The following DLG1 variants were observed in gnomAD, a reference collection of about 807,000 sequenced individuals.
DLG1 encodes disks large homolog 1.
A neutral mutation model predicts 123.4 loss-of-function variants in DLG1; 42 were observed. The observed-to-expected ratio is 0.34, with a 90% confidence interval of 0.27 to 0.44. The LOEUF (loss-of-function observed/expected upper bound fraction) is 0.44, where lower values mean the gene tolerates loss of function less well. Among genes scored for constraint, DLG1 ranks in the 20% least tolerant of loss-of-function variants. DLG1 has a pLI of 1.00. For synonymous variants in DLG1, 317 were observed against 356.2 expected, an observed-to-expected ratio of 0.89 and a Z score of 1.24; for missense variants, 942 against 1,082.6, an observed-to-expected ratio of 0.87 and a Z score of 1.82.
At chr3:197,263,408 C>A (rs901507046) in intron 4 of DLG1, among the ~76,000 whole-genome samples, 2 of 152,146 alleles carry the variant, frequency 1.3e-5, no homozygotes, top group African/African-American at 4.8e-5. Flanking sequence ...CTCAATGACT[C>A]CTAAGAGTCC....
At chr3:197,241,801 TA>T (rs1218339111) in intron 4 of DLG1, among the ~76,000 whole-genome samples, 1 of 152,128 alleles carries the variant, frequency 6.6e-6, no homozygotes, top group Non-Finnish European at 1.5e-5. Context: ...TATTTTTTTG[TA>T]AACCTCATGG....
intron 10 of DLG1, among the ~76,000 whole-genome samples, chr3:197,135,294 T>TG (rs778236913): frequency 2.6e-5 from 4 of 152,216 alleles, no homozygotes; most frequent in African/African-American, 4.8e-5. Context: ...CCCCATGTGT[T>TG]GGGGGAGGGA....
chr3:197,264,386 CACT>C (rs1410608141), intron 4 of DLG1, among the ~76,000 whole-genome samples: 1 of 152,180 alleles, frequency 6.6e-6, no homozygotes, highest in Non-Finnish European at 1.5e-5. Context: ...GCCAGCATAA[CACT>C]CAAAGACAAT....
In DLG1 at chr3:197,062,073, ACTTACTTACTCACATACAGAT is replaced by A. The variant is rs370987433; in HGVS notation, c.2374-2096_2374-2076del. On this transcript the variant is annotated intron_variant, in intron 22 of 24. Coordinates refer to ENST00000667157, the MANE Select transcript of DLG1 (RefSeq NM_001366207.1). ...CAGTCCAAAGCGTTCCCTTCTATCCACTTACTTACTCACATACAGATGCTCCTTATGATGGGAGTTACGTCC... is the reference window on the plus strand; with the variant it reads ...CAGTCCAAAGCGTTCCCTTCTATCCAGCTCCTTATGATGGGAGTTACGTCC... 8.5e-3 allele frequency among the ~76,000 whole-genome samples: 1,294 copies of A among 152,250 alleles called. 16 individuals are homozygous for A. The highest frequency in any genetic ancestry group is 0.03 in the African/African-American group (1,226 of 41,536).
intron 11 of DLG1, among the ~76,000 whole-genome samples, chr3:197,121,074 A>G (rs1039108597): frequency 1.8e-5 from 1 of 54,204 alleles, no homozygotes; most frequent in Non-Finnish European, 4.8e-5. Context: ...GATGAAACAA[A>G]AAAAACAACT....
intron 4 of DLG1, among the ~76,000 whole-genome samples, chr3:197,249,645 A>C (rs926477642): frequency 6.6e-6 from 1 of 152,214 alleles, no homozygotes; most frequent in Non-Finnish European, 1.5e-5. Flanking sequence ...ACTGATTATG[A>C]AATTAGATGC....
At chr3:197,045,687 T>C (rs2148640542) in intron 24 of DLG1, among the ~76,000 whole-genome samples, 1 of 152,134 alleles carries the variant, frequency 6.6e-6, no homozygotes, top group East Asian at 1.9e-4. Flanking sequence ...ACAACTGCAG[T>C]GAGCTATGAT....
chr3:197,241,915 T>C (rs572160988), intron 4 of DLG1, among the ~76,000 whole-genome samples: 6 of 151,756 alleles, frequency 4.0e-5, no homozygotes, highest in Admixed American at 3.3e-4. Flanking sequence ...AAGGAAGAGT[T>C]ACGAAACAAT....
At chr3:197,296,672 A>T (rs971499960) in intron 2 of DLG1, 195 bp from the exon 3 acceptor site, 7 of 489,430 alleles carry the variant, frequency 1.4e-5, no homozygotes, top group African/African-American at 3.9e-5. Context: ...ATACAAGAAA[A>T]ATTTAAACAT....
At chr3:197,282,913 A>T (rs1043628182) in intron 3 of DLG1, 68 bp from the exon 4 acceptor site, 1 of 962,220 alleles carries the variant, frequency 1.0e-6, no homozygotes, top group African/African-American at 1.7e-5. Flanking sequence ...ATGCTATAAC[A>T]ACATAACTCA....
intron 24 of DLG1, among the ~76,000 whole-genome samples, chr3:197,050,158 G>C (rs750337134): frequency 5.3e-5 from 8 of 152,086 alleles, no homozygotes; most frequent in Non-Finnish European, 8.8e-5. Flanking sequence ...ACGAGGTCAG[G>C]AGATCAAGAC....
At chr3:197,290,768 C>T (rs577128837) in intron 3 of DLG1, among the ~76,000 whole-genome samples, 1 of 151,934 alleles carries the variant, frequency 6.6e-6, no homozygotes, top group Non-Finnish European at 1.5e-5. Flanking sequence ...CGTGGGGGCT[C>T]ACACCTGTAG....
At chr3:197,144,525 T>A (rs953726314) in intron 6 of DLG1, among the ~76,000 whole-genome samples, 3 of 152,226 alleles carry the variant, frequency 2.0e-5, no homozygotes, top group Non-Finnish European at 1.5e-5. Flanking sequence ...GTTGTTCTTT[T>A]AAGCCCCTAA....
At chr3:197,054,389 T>C (rs115506528) in intron 23 of DLG1, among the ~76,000 whole-genome samples, 6,914 of 152,152 alleles carry the variant, frequency 0.045, 338 homozygotes, top group African/African-American at 0.12. Context: ...CTTGATGGTG[T>C]CTTATAGGTC....
At chr3:197,233,667 G>T (rs1200073688) in intron 4 of DLG1, among the ~76,000 whole-genome samples, 1 of 152,138 alleles carries the variant, frequency 6.6e-6, no homozygotes, top group African/African-American at 2.4e-5. Flanking sequence ...TTACAGGTGT[G>T]AGCCACCATG....
intron 5 of DLG1, among the ~76,000 whole-genome samples, chr3:197,191,565 A>C (rs1406220146): frequency 6.6e-6 from 1 of 152,152 alleles, no homozygotes; most frequent in Non-Finnish European, 1.5e-5. Context: ...GATGACCGGA[A>C]ATTCAAAACA....
intron 4 of DLG1, among the ~76,000 whole-genome samples, chr3:197,221,385 T>C (rs1384444168): frequency 6.6e-6 from 1 of 152,018 alleles, no homozygotes; most frequent in African/African-American, 2.4e-5. Flanking sequence ...CCGAGTGTGG[T>C]GGCGGGCGCC....
intron 18 of DLG1, among the ~76,000 whole-genome samples, chr3:197,071,269 C>T (rs890927415): frequency 1.3e-5 from 2 of 152,088 alleles, no homozygotes. Flanking sequence ...ACAGAATTGG[C>T]AAATGTTCAG....
At chr3:197,278,282 CAAAAAAAAAAAAA>C (rs71164203) in intron 4 of DLG1, among the ~76,000 whole-genome samples, 5 of 37,524 alleles carry the variant, frequency 1.3e-4, no homozygotes, top group South Asian at 1.7e-3. Flanking sequence ...GACTCTGTCC[CAAAAAAAAAAAAA>C]AAAAAAAAAA....
Sources: allele counts gnomAD v4.1 joint callset (sites outside exome capture counted in the v4.1 genomes callset), GRCh38; gene constraint gnomAD v4.1.1; transcripts MANE v1.5; gene names NCBI Gene and HGNC (gene_info 2026-07-23, HGNC 2026-07-21).